The following TRAPPC3 variants were observed in gnomAD, a reference collection of about 807,000 sequenced individuals.
TRAPPC3 encodes the protein trafficking protein particle complex subunit 3, also known as trafficking protein particle complex 3.
In TRAPPC3, 5 loss-of-function variants were observed where a neutral mutation model predicts 18.2. The ratio of observed to expected loss-of-function variants is 0.28; its 90% CI spans 0.14 to 0.58. TRAPPC3 has a LOEUF of 0.58. Among genes scored for constraint, TRAPPC3 ranks in the 20% least tolerant of loss-of-function variants. The pLI is 0.91. For synonymous variants in TRAPPC3, 65 were observed against 84.2 expected (o/e 0.77, Z 1.25); for missense variants, 176 against 225.9 (o/e 0.78, Z 1.41).
chr1:36,155,261 C>G (rs1283012814), intron 1 of TRAPPC3, among the ~76,000 whole-genome samples: 1 of 152,262 alleles, frequency 6.6e-6, no homozygotes, highest in Non-Finnish European at 1.5e-5. Context: ...AAGCTCCCCA[C>G]TCTGCCCCGG....
chr1:36,144,930 T>G (rs1209670432), intron 1 of TRAPPC3, among the ~76,000 whole-genome samples: 3 of 152,182 alleles, frequency 2.0e-5, no homozygotes, highest in Admixed American at 2.0e-4. Context: ...AGCTCTACAC[T>G]CAGGTGAGAC....
upstream of TRAPPC3, among the ~76,000 whole-genome samples, chr1:36,153,012 C>A (rs1242899276): frequency 6.6e-6 from 1 of 152,150 alleles, no homozygotes; most frequent in Non-Finnish European, 1.5e-5. Flanking sequence ...CCCAACCTTG[C>A]GGTGAAAGGA....
intron 1 of TRAPPC3, among the ~76,000 whole-genome samples, chr1:36,147,090 C>A (rs1644212729): frequency 6.6e-6 from 1 of 152,136 alleles, no homozygotes. Flanking sequence ...GTGGCTCATA[C>A]CTGTAATCCC....
At chr1:36,138,006 G>A (rs2124138686) in intron 3 of TRAPPC3, 28 bp from the exon 4 acceptor site, 1 of 1,611,596 alleles carries the variant, frequency 6.2e-7, no homozygotes, top group East Asian at 2.2e-5. Context: ...ACAGCACTTT[G>A]GGGAAGAGCA....
chr1:36,153,654 G>T (rs561114949), upstream of TRAPPC3, among the ~76,000 whole-genome samples: 2 of 152,144 alleles, frequency 1.3e-5, no homozygotes, highest in African/African-American at 4.8e-5. Flanking sequence ...TGGCTTCTAC[G>T]CGGTAGCTGC....
chr1:36,154,809 AAAGTT>A (rs1432827179), intron 1 of TRAPPC3, among the ~76,000 whole-genome samples: 5 of 152,224 alleles, frequency 3.3e-5, no homozygotes, highest in Non-Finnish European at 7.3e-5. Context: ...AGATTTTAGA[AAAGTT>A]AAGTCACTAG....
At chr1:36,138,142 T>C (rs991118701) in intron 3 of TRAPPC3, 164 bp from the exon 4 acceptor site, 1 of 1,552,968 alleles carries the variant, frequency 6.4e-7, no homozygotes, top group Non-Finnish European at 8.7e-7. Flanking sequence ...GAAGCATCTG[T>C]ACATGATGCT....
intron 3 of TRAPPC3, 128 bp from the exon 4 acceptor site, chr1:36,138,106 C>T (rs575794168): frequency 6.4e-7 from 1 of 1,565,070 alleles, no homozygotes; most frequent in South Asian, 1.2e-5. Context: ...CAAGATGACA[C>T]TTCAGATACT....
intron 1 of TRAPPC3, among the ~76,000 whole-genome samples, chr1:36,144,489 T>TA (rs1011462062): frequency 2.0e-5 from 3 of 151,318 alleles, no homozygotes; most frequent in Admixed American, 6.6e-5. Flanking sequence ...CCCATCTTTA[T>TA]AAAAAATAGA....
intron 1 of TRAPPC3, chr1:36,149,111 G>A (rs1644243316): frequency 1.4e-6 from 2 of 1,428,650 alleles, no homozygotes; most frequent in South Asian, 1.5e-5. Context: ...TGTTGGCTTA[G>A]CACAGAGCTG....
intron 1 of TRAPPC3, among the ~76,000 whole-genome samples, chr1:36,148,392 C>T (rs964761319): frequency 1.3e-5 from 2 of 152,080 alleles, no homozygotes; most frequent in Non-Finnish European, 1.5e-5. Context: ...GTCAGGAGTT[C>T]GAGACCAGCC....
At chr1:36,155,963 G>A (rs1213256133) in exon 1 of TRAPPC3, 3 of 154,638 alleles carry the variant, frequency 1.9e-5, no homozygotes, top group Admixed American at 6.5e-5. Flanking sequence ...TGGAGCCGTG[G>A]AGCCCGCTCG....
At chr1:36,146,313 T>TC in intron 1 of TRAPPC3, among the ~76,000 whole-genome samples, 1 of 148,440 alleles carries the variant, frequency 6.7e-6, no homozygotes, top group Non-Finnish European at 1.5e-5. Flanking sequence ...TTTTTTTTTT[T>TC]TGAGATGGAG....
intron 1 of TRAPPC3, among the ~76,000 whole-genome samples, chr1:36,142,780 G>A (rs890471921): frequency 2.6e-5 from 4 of 152,076 alleles, no homozygotes; most frequent in African/African-American, 4.8e-5. Flanking sequence ...TGGTAATCCC[G>A]GCACTTTGGG....
At chr1:36,143,858 TGTTACCTGCC>T (rs1413467226) in intron 1 of TRAPPC3, among the ~76,000 whole-genome samples, 2 of 152,220 alleles carry the variant, frequency 1.3e-5, no homozygotes, top group African/African-American at 4.8e-5. Context: ...ATGGTGACAA[TGTTACCTGCC>T]TTTCAGAGTT....
upstream of TRAPPC3, among the ~76,000 whole-genome samples, chr1:36,150,191 A>G (rs964081404): frequency 6.6e-6 from 1 of 152,150 alleles, no homozygotes; most frequent in African/African-American, 2.4e-5. Flanking sequence ...CAGCTTTGCC[A>G]TTTTAGGCAA....
chr1:36,152,151 T>G (rs1391091328), upstream of TRAPPC3, among the ~76,000 whole-genome samples: 1 of 152,164 alleles, frequency 6.6e-6, no homozygotes, highest in African/African-American at 2.4e-5. Context: ...TCTGAGAGAT[T>G]TGTTAATTTT....
At chr1:36,147,010 G>C (rs1644211840) in intron 1 of TRAPPC3, among the ~76,000 whole-genome samples, 1 of 152,226 alleles carries the variant, frequency 6.6e-6, no homozygotes, top group African/African-American at 2.4e-5. Context: ...CTGCTATGTG[G>C]AGTGTACTTT....
rs114981457 is a variant in TRAPPC3 at position 36,138,169 on chromosome 1, C to A, written c.241-191G>T. ...CATGATGCTGCACCCCTCTCCTTCACGGCATCATACAGTTTTGCCTGTCGC... is the reference window on the plus strand; with the variant it reads ...CATGATGCTGCACCCCTCTCCTTCAAGGCATCATACAGTTTTGCCTGTCGC... On this transcript the variant is annotated intron_variant, in intron 3 of 4. Transcript: ENST00000373166. 2.3e-3 allele frequency: 3,529 copies of A among 1,551,088 alleles called. 76 individuals carry two copies. In the African/African-American group the frequency reaches 0.043, roughly 19 times the overall value.
Sources: allele counts gnomAD v4.1 joint callset (sites outside exome capture counted in the v4.1 genomes callset), GRCh38; gene constraint gnomAD v4.1.1; transcripts MANE v1.5; gene names NCBI Gene and HGNC (gene_info 2026-07-23, HGNC 2026-07-21).